The following SH3BGR variants were observed in gnomAD, a reference collection of about 807,000 sequenced individuals.
The protein encoded by SH3BGR is SH3 domain binding glutamate rich protein.
A neutral mutation model predicts 24.5 loss-of-function variants in SH3BGR; 29 were observed. The observed-to-expected ratio is 1.18, with a 90% CI of 0.88 to 1.61. SH3BGR has a LOEUF of 1.61. Ranked by LOEUF, SH3BGR falls within the 40% of genes most tolerant of loss-of-function variation. The pLI, the probability that SH3BGR is intolerant of heterozygous loss-of-function variation, is 0.00. For missense variants in SH3BGR, 162 were observed against 205.8 expected (o/e 0.79, Z 1.30); for synonymous variants, 55 against 65.7 (o/e 0.84, Z 0.79).
chr21:39,499,979 C>T (rs1323235106), intron 4 of SH3BGR, 64 bp downstream of exon 4: 1 of 1,139,592 alleles, frequency 8.8e-7, no homozygotes, highest in African/African-American at 1.5e-5. Flanking sequence ...TTTTACAGGG[C>T]TTGTACAACT....
intron 1 of SH3BGR, among the ~76,000 whole-genome samples, chr21:39,456,569 GTGTGGGGTAGCAGTTTCCA>G (rs2077657555): frequency 6.6e-6 from 1 of 152,094 alleles, no homozygotes; most frequent in Admixed American, 6.5e-5. Flanking sequence ...AGCAGTTTCC[GTGTGGGGTAGCAGTTTCCA>G]TGCGGGGTAG....
chr21:39,513,564 G>A (rs1359687796), intron 6 of SH3BGR, among the ~76,000 whole-genome samples: 1 of 152,048 alleles, frequency 6.6e-6, no homozygotes, highest in Non-Finnish European at 1.5e-5. Context: ...AGTGATTCTA[G>A]CCCACGATTT....
intron 1 of SH3BGR, among the ~76,000 whole-genome samples, chr21:39,452,717 G>A (rs981507371): frequency 6.6e-6 from 1 of 152,140 alleles, no homozygotes; most frequent in Non-Finnish European, 1.5e-5. Flanking sequence ...GCATTCAGAC[G>A]GCCCCAAAAT....
At chr21:39,473,117 T>C (rs924502380) in intron 2 of SH3BGR, among the ~76,000 whole-genome samples, 1 of 152,314 alleles carries the variant, frequency 6.6e-6, no homozygotes, top group Middle Eastern at 3.4e-3. Flanking sequence ...CATTATTTTC[T>C]ACATATATTT....
chr21:39,505,030 C>T (rs965966633), intron 4 of SH3BGR, among the ~76,000 whole-genome samples: 1 of 152,124 alleles, frequency 6.6e-6, no homozygotes, highest in Non-Finnish European at 1.5e-5. Context: ...CCAGGCTGGC[C>T]TCAAACTCCT....
At chr21:39,512,566 C>A (rs2078714606) in intron 6 of SH3BGR, among the ~76,000 whole-genome samples, 1 of 152,166 alleles carries the variant, frequency 6.6e-6, no homozygotes, top group Admixed American at 6.5e-5. Context: ...ATCTTGAGGA[C>A]ATGGGCGAAT....
chr21:39,480,214 A>G (rs566421846), intron 3 of SH3BGR, among the ~76,000 whole-genome samples: 3 of 152,196 alleles, frequency 2.0e-5, no homozygotes. Flanking sequence ...ACACCACACA[A>G]TTCACCCATT....
At chr21:39,459,753 C>T (rs990345218) in intron 1 of SH3BGR, among the ~76,000 whole-genome samples, 2 of 151,496 alleles carry the variant, frequency 1.3e-5, no homozygotes, top group Admixed American at 6.6e-5. Context: ...GGCCCCATCT[C>T]GACAAAAATT....
Position 39,500,206 on chromosome 21 carries a change from C to G in SH3BGR, c.405+291C>G, listed in dbSNP as rs190853594. Reference sequence around the variant, plus strand: ...GTGTTATGGCTAGGTTAGGTGTATGCTCTTTATAAACAAGGGACCTTTCTG... The same window carrying G: ...GTGTTATGGCTAGGTTAGGTGTATGGTCTTTATAAACAAGGGACCTTTCTG... On this transcript the variant is annotated intron_variant, in intron 4 of 6. Coordinates refer to ENST00000333634, the MANE Select transcript of SH3BGR (RefSeq NM_007341.3). 2.1e-3 allele frequency among the ~76,000 whole-genome samples: 312 copies of G among 152,080 alleles called. 1 individual carries two copies. The highest frequency in any genetic ancestry group is 6.9e-3 in the African/African-American group (287 of 41,482).
chr21:39,466,109 G>C (rs758676697), intron 2 of SH3BGR, among the ~76,000 whole-genome samples: 1 of 152,090 alleles, frequency 6.6e-6, no homozygotes, highest in Non-Finnish European at 1.5e-5. Flanking sequence ...AAGTACATAC[G>C]CGTCTCACAT....
intron 2 of SH3BGR, among the ~76,000 whole-genome samples, chr21:39,464,401 T>G (rs1189489054): frequency 1.3e-5 from 2 of 152,142 alleles, no homozygotes; most frequent in African/African-American, 4.8e-5. Context: ...TTTTATAGTT[T>G]TAGTAGAGAC....
intron 4 of SH3BGR, among the ~76,000 whole-genome samples, chr21:39,507,749 G>A (rs2078608255): frequency 6.6e-6 from 1 of 152,164 alleles, no homozygotes; most frequent in African/African-American, 2.4e-5. Flanking sequence ...GGGCTCAAGT[G>A]ATCCTCCCGC....
At chr21:39,493,092 C>A (rs1230830543) in intron 3 of SH3BGR, among the ~76,000 whole-genome samples, 2 of 152,124 alleles carry the variant, frequency 1.3e-5, no homozygotes, top group Non-Finnish European at 2.9e-5. Flanking sequence ...CTGACTGTTC[C>A]TTTTGCCGTG....
At chr21:39,470,495 C>G (rs1294134067) in intron 2 of SH3BGR, among the ~76,000 whole-genome samples, 3 of 152,148 alleles carry the variant, frequency 2.0e-5, no homozygotes, top group African/African-American at 2.4e-5. Context: ...CTCCTGAACT[C>G]AGATGATCCG....
chr21:39,489,143 A>G (rs1345329125), intron 3 of SH3BGR, among the ~76,000 whole-genome samples: 1 of 152,152 alleles, frequency 6.6e-6, no homozygotes, highest in East Asian at 1.9e-4. Context: ...GAGACCTGAT[A>G]TGTGCACGAG....
intron 1 of SH3BGR, among the ~76,000 whole-genome samples, chr21:39,459,329 A>G (rs986362220): frequency 1.3e-5 from 2 of 151,818 alleles, no homozygotes; most frequent in Non-Finnish European, 2.9e-5. Context: ...GATTCAAGCA[A>G]TTGTCCTGTC....
chr21:39,510,008 T>G (rs1228723040), intron 5 of SH3BGR, among the ~76,000 whole-genome samples: 1 of 127,230 alleles, frequency 7.9e-6, no homozygotes, highest in Non-Finnish European at 1.6e-5. Context: ...AGTGGCGCAA[T>G]CTCGGCTCAC....
intron 3 of SH3BGR, among the ~76,000 whole-genome samples, chr21:39,481,943 G>A (rs530125720): frequency 3.3e-5 from 5 of 152,232 alleles, no homozygotes; most frequent in Admixed American, 6.5e-5. Context: ...TATTAGCCCC[G>A]CCAAACATTA....
Position 39,499,843 on chromosome 21 carries a change from AGGT to A in SH3BGR, c.336_338del (p.Gly113del). ...ACCAGGGATCAGAGAAGGCTGAAGA[AGGT>A]GGAGAAACTGAGGCACAAAAAGAGG... On this transcript the variant is annotated inframe_deletion, in exon 4 of 7. Transcript: ENST00000333634. The A allele has an allele frequency of 6.2e-7, 1 of 1,613,802 alleles. No homozygotes were observed. The highest frequency in any genetic ancestry group is 1.3e-5 in the African/African-American group (1 of 74,984).
Sources: gnomAD v4.1 joint callset for allele counts (sites outside exome capture counted in the v4.1 genomes callset) on GRCh38, gnomAD v4.1.1 for gene constraint, MANE v1.5 for transcripts, NCBI Gene and HGNC (gene_info 2026-07-23, HGNC 2026-07-21) for gene names.